The following CHCHD6 variants were observed in gnomAD, a reference collection of about 807,000 sequenced individuals.
The protein encoded by CHCHD6 is coiled-coil-helix-coiled-coil-helix domain containing 6.
Under a neutral mutation model 32.3 loss-of-function variants are expected in CHCHD6, and 28 were observed. That is an observed-to-expected ratio of 0.87 (90% CI 0.64 to 1.19). The LOEUF (loss-of-function observed/expected upper bound fraction) is 1.19, where lower values mean the gene tolerates loss of function less well. Ranked by LOEUF, CHCHD6 falls within the 50% of genes most tolerant of loss-of-function variation. CHCHD6 has a pLI of 0.00. For missense variants in CHCHD6, 333 were observed against 307.0 expected, an observed-to-expected ratio of 1.08 and a Z score of -0.63; for synonymous variants, 122 against 117.5, an observed-to-expected ratio of 1.04 and a Z score of -0.25.
rs572131563 is a variant in CHCHD6, at chr3:126,960,257, A to C, written c.*56A>C. On this transcript the variant is annotated 3_prime_UTR_variant, in exon 8 of 8. Coordinates refer to ENST00000290913, the MANE Select transcript of CHCHD6 (RefSeq NM_032343.3). ...GACTTGGAGCCCTGAAGAAGGGACCAATCATGGGACCACAGCCACTGTGCC... is the reference window on the plus strand; with the variant it reads ...GACTTGGAGCCCTGAAGAAGGGACCCATCATGGGACCACAGCCACTGTGCC... 1.4e-5 allele frequency: 21 copies of C among 1,548,320 alleles called. No homozygotes were observed. In the African/African-American group the frequency reaches 2.2e-4, roughly 16 times the overall value.
intron 5 of CHCHD6, among the ~76,000 whole-genome samples, chr3:126,898,120 G>T (rs2077866877): frequency 6.6e-6 from 1 of 152,240 alleles, no homozygotes. Context: ...GGCCCTTCAG[G>T]TCCGCAGGAC....
chr3:126,720,142 A>G (rs1331888484), intron 1 of CHCHD6, among the ~76,000 whole-genome samples: 1 of 152,162 alleles, frequency 6.6e-6, no homozygotes, highest in Non-Finnish European at 1.5e-5. Flanking sequence ...TCGGCCTCCC[A>G]AAGAGCTGAG....
At chr3:126,878,508 G>C (rs572549739) in intron 5 of CHCHD6, among the ~76,000 whole-genome samples, 1 of 152,330 alleles carries the variant, frequency 6.6e-6, no homozygotes, top group Non-Finnish European at 1.5e-5. Context: ...AATAATGACA[G>C]AAATGGATTA....
chr3:126,846,947 C>T (rs1941316413), intron 4 of CHCHD6, among the ~76,000 whole-genome samples: 1 of 152,266 alleles, frequency 6.6e-6, no homozygotes, highest in East Asian at 1.9e-4. Flanking sequence ...TAAAGGATTT[C>T]TTTTCTTCTG....
chr3:126,953,635 A>G (rs547270765), intron 6 of CHCHD6, among the ~76,000 whole-genome samples: 27 of 152,280 alleles, frequency 1.8e-4, no homozygotes, highest in Admixed American at 5.9e-4. Context: ...CATTGTACCA[A>G]TGAGGAACAT....
intron 5 of CHCHD6, among the ~76,000 whole-genome samples, chr3:126,864,412 C>A (rs1179444183): frequency 6.6e-6 from 1 of 150,884 alleles, no homozygotes; most frequent in Non-Finnish European, 1.5e-5. Flanking sequence ...CCTCCTCCTC[C>A]TCTTCCTGCT....
intron 6 of CHCHD6, among the ~76,000 whole-genome samples, chr3:126,943,014 C>T (rs2078583205): frequency 6.6e-6 from 1 of 152,084 alleles, no homozygotes; most frequent in Non-Finnish European, 1.5e-5. Flanking sequence ...TGTAAATCTC[C>T]CTTCTCATAG....
chr3:126,783,865 A>C (rs1209862991), intron 4 of CHCHD6, among the ~76,000 whole-genome samples: 1 of 152,098 alleles, frequency 6.6e-6, no homozygotes, highest in Non-Finnish European at 1.5e-5. Context: ...GGGGTCTGGT[A>C]CAAACTGGGA....
chr3:126,742,776 C>T (rs1936335667), intron 4 of CHCHD6, among the ~76,000 whole-genome samples: 1 of 152,224 alleles, frequency 6.6e-6, no homozygotes, highest in Non-Finnish European at 1.5e-5. Context: ...AGCCCCATGA[C>T]TTGGACTTCT....
At chr3:126,898,998 G>A (rs1210791046) in intron 5 of CHCHD6, among the ~76,000 whole-genome samples, 4 of 152,214 alleles carry the variant, frequency 2.6e-5, no homozygotes, top group African/African-American at 4.8e-5. Flanking sequence ...TTTGGTTCCC[G>A]CAGGCAGTTA....
At chr3:126,901,253 C>A (rs1028315629) in intron 5 of CHCHD6, among the ~76,000 whole-genome samples, 1 of 152,308 alleles carries the variant, frequency 6.6e-6, no homozygotes, top group Middle Eastern at 3.4e-3. Flanking sequence ...TCGGCTTCAC[C>A]CATAAACTGC....
intron 6 of CHCHD6, among the ~76,000 whole-genome samples, chr3:126,926,114 T>C (rs1278764982): frequency 1.3e-5 from 2 of 152,332 alleles, no homozygotes; most frequent in Non-Finnish European, 2.9e-5. Context: ...TGTCTTTCTT[T>C]ATAAAACTGA....
intron 4 of CHCHD6, among the ~76,000 whole-genome samples, chr3:126,823,417 T>A (rs1344927207): frequency 6.6e-6 from 1 of 152,162 alleles, no homozygotes; most frequent in African/African-American, 2.4e-5. Flanking sequence ...TTCAACAATG[T>A]TTCATATATT....
At chr3:126,855,590 C>T (rs1459628160) in intron 5 of CHCHD6, among the ~76,000 whole-genome samples, 1 of 152,170 alleles carries the variant, frequency 6.6e-6, no homozygotes, top group Non-Finnish European at 1.5e-5. Context: ...CTGACCCCAA[C>T]ACCTGCTCTC....
At chr3:126,798,143 C>T (rs556474689) in intron 4 of CHCHD6, among the ~76,000 whole-genome samples, 77 of 152,128 alleles carry the variant, frequency 5.1e-4, no homozygotes, top group African/African-American at 1.6e-3. Context: ...GGAGGTTCTG[C>T]GGGGGGATGA....
chr3:126,894,394 G>C (rs988702402), intron 5 of CHCHD6, among the ~76,000 whole-genome samples: 13 of 152,224 alleles, frequency 8.5e-5, no homozygotes, highest in African/African-American at 2.9e-4. Context: ...GGCTCATGAA[G>C]AACTCAGGCC....
At chr3:126,711,922 C>T (rs904351148) in intron 1 of CHCHD6, among the ~76,000 whole-genome samples, 4 of 152,250 alleles carry the variant, frequency 2.6e-5, no homozygotes, top group Admixed American at 6.5e-5. Context: ...TCTGGGCTAG[C>T]TGCTTTCACA....
chr3:126,806,738 C>A (rs1939402819), intron 4 of CHCHD6, among the ~76,000 whole-genome samples: 1 of 152,094 alleles, frequency 6.6e-6, no homozygotes, highest in South Asian at 2.1e-4. Context: ...GCTATAAAGA[C>A]ATATGCACAT....
At chr3:126,854,903 C>T (rs1157760415) in intron 5 of CHCHD6, 1 of 152,218 alleles carries the variant, frequency 6.6e-6, no homozygotes, top group East Asian at 1.9e-4. Context: ...GGCCGTCCAC[C>T]GTGGAAGCTG....
Sources: allele counts gnomAD v4.1 joint callset (sites outside exome capture counted in the v4.1 genomes callset), GRCh38; gene constraint gnomAD v4.1.1; transcripts MANE v1.5; gene names NCBI Gene and HGNC (gene_info 2026-07-23, HGNC 2026-07-21).